The following ATF7IP2 variants were observed in gnomAD, a reference collection of about 807,000 sequenced individuals.
ATF7IP2 encodes the protein activating transcription factor 7-interacting protein 2.
Under a neutral mutation model 64.2 loss-of-function variants are expected in ATF7IP2, and 42 were observed. The ratio of observed to expected loss-of-function variants is 0.65; its 90% CI spans 0.51 to 0.85. ATF7IP2 has a LOEUF of 0.85. ATF7IP2 is among the 40% of genes least tolerant of loss of function. ATF7IP2 has a pLI of 0.00. For synonymous variants in ATF7IP2, 308 were observed against 272.8 expected, an observed-to-expected ratio of 1.13 and a Z score of -1.27; for missense variants, 933 against 784.2, an observed-to-expected ratio of 1.19 and a Z score of -2.27.
chr16:10,390,356 G>C (rs73512945), intron 1 of ATF7IP2, among the ~76,000 whole-genome samples: 2 of 152,242 alleles, frequency 1.3e-5, no homozygotes, highest in South Asian at 4.1e-4. Flanking sequence ...TAATCTACAG[G>C]TTAAAAAATT....
At chr16:10,447,602 T>G (rs2048851451) in intron 8 of ATF7IP2, 1 of 152,290 alleles carries the variant, frequency 6.6e-6, no homozygotes, top group African/African-American at 2.4e-5. Flanking sequence ...CGCTCCTGTT[T>G]CTGTGTCTTC....
At position 10,430,950 on chromosome 16, in the gene ATF7IP2, A is replaced by C; in HGVS notation, c.330A>C (p.Glu110Asp). The stretch of plus-strand genomic sequence containing the variant: ...TTGTTCATTCAGAAACAAAATTGGA[A>C]CAAGTTGTTTGTTCGTACCAAAAGC... ...EEIVHSETKL[E>D]QVVCSYQKPS... The change falls in exon 5 of 14, where the codon GAA becomes GAC. Residue 110 changes from glutamate to aspartate, a missense_variant. Physicochemically the swap from Glu to Asp is conservative, Grantham distance 45. Transcript: ENST00000562102. 6.2e-7 allele frequency: 1 copy of C among 1,614,144 alleles called. No homozygotes were observed. The highest frequency in any genetic ancestry group is 1.1e-5 in the South Asian group (1 of 91,086).
chr16:10,420,500 C>T (rs1020993585), intron 3 of ATF7IP2, among the ~76,000 whole-genome samples: 1 of 152,154 alleles, frequency 6.6e-6, no homozygotes, highest in Admixed American at 6.5e-5. Context: ...GCTATACCTG[C>T]GTTTGAGACC....
At position 10,431,265 on chromosome 16, in the gene ATF7IP2, T is replaced by C. The variant is rs760130453; in HGVS notation, c.645T>C (p.Ser215=). 3.3e-5 allele frequency: 54 copies of C among 1,614,030 alleles called. No individual in the cohort carries two copies. Among genetic ancestry groups the C allele is most frequent in the Non-Finnish European group, 4.5e-5 (53 of 1,180,022 alleles). ...SNSESHDKRQ[S]DNILCSEDSG... Reference sequence around the variant, plus strand: ...CAGAATCACATGATAAAAGGCAAAGTGACAACATTTTATGTTCAGAAGACT... The same window carrying C: ...CAGAATCACATGATAAAAGGCAAAGCGACAACATTTTATGTTCAGAAGACT... Residue 215 remains serine, a synonymous_variant, in exon 5 of 14, where the codon AGT becomes AGC. Transcript: ENST00000562102.
chr16:10,463,504 G>A (rs1243615360), intron 9 of ATF7IP2, among the ~76,000 whole-genome samples: 1 of 152,138 alleles, frequency 6.6e-6, no homozygotes, highest in Admixed American at 6.6e-5. Context: ...CATGTCATAA[G>A]AACATCAAGC....
intron 8 of ATF7IP2, among the ~76,000 whole-genome samples, chr16:10,443,434 C>T (rs1408198207): frequency 2.6e-5 from 4 of 152,112 alleles, no homozygotes; most frequent in African/African-American, 4.8e-5. Flanking sequence ...CACACCCAGT[C>T]GATTTGAAGG....
At chr16:10,450,261 T>A (rs2048941786) in intron 8 of ATF7IP2, among the ~76,000 whole-genome samples, 1 of 152,144 alleles carries the variant, frequency 6.6e-6, no homozygotes, top group Non-Finnish European at 1.5e-5. Context: ...AGAATAAGTA[T>A]GATGAGGTGC....
In ATF7IP2 at chr16:10,473,952, T is replaced by G. The variant is rs1320471497; in HGVS notation, c.1512T>G (p.Ile504Met). 3 of 1,598,680 alleles carry G rather than the reference T, an allele frequency of 1.9e-6. No individual in the cohort carries two copies. The highest frequency in any genetic ancestry group is 2.6e-6 in the Non-Finnish European group (3 of 1,169,178). ...TACAGAAGAAACTTGATTCTATAAT[T>G]GATTTGACAAAAGAAGGCCTATCCA... ...MAVQKKLDSI[I>M]DLTKEGLSNC... Residue 504 changes from isoleucine (I) to methionine (M), a missense_variant, in exon 12 of 14, where the codon ATT (isoleucine) becomes ATG (methionine). Coordinates refer to ENST00000562102, the MANE Select transcript of ATF7IP2 (RefSeq NM_001393719.1).
At chr16:10,426,315 C>T (rs1325579323) in intron 3 of ATF7IP2, among the ~76,000 whole-genome samples, 1 of 152,146 alleles carries the variant, frequency 6.6e-6, no homozygotes, top group African/African-American at 2.4e-5. Context: ...GCTTTTTATT[C>T]TCAGCAATGA....
chr16:10,432,874 T>C (rs1468213922), intron 5 of ATF7IP2, among the ~76,000 whole-genome samples: 1 of 109,698 alleles, frequency 9.1e-6, no homozygotes, highest in Non-Finnish European at 1.9e-5. Context: ...GTGAGACTCC[T>C]TCTCAAAATG....
rs1216869078 is a variant in ATF7IP2, at chr16:10,482,276, T to G, written c.*27T>G. ...AGGTGTTTAATAATGATATACTACT[T>G]TTTTTTTCATATTTGTTTGTTTGCA... On this transcript the variant is annotated 3_prime_UTR_variant, in exon 14 of 14. Coordinates refer to ENST00000562102, the MANE Select transcript of ATF7IP2 (RefSeq NM_001393719.1). The G allele has an allele frequency of 4.8e-6, 7 of 1,471,248 alleles. No homozygotes were observed. In the East Asian group the frequency reaches 1.6e-4, roughly 33 times the overall value. The allele number at this position is 1,471,248 out of a possible 1,614,324, so 91.1% of individuals were successfully genotyped here.
At chr16:10,469,041 T>C (rs1212311447) in intron 9 of ATF7IP2, among the ~76,000 whole-genome samples, 2 of 152,110 alleles carry the variant, frequency 1.3e-5, no homozygotes, top group African/African-American at 4.8e-5. Context: ...AGTCTAACAC[T>C]CTTCTGAAGA....
intron 8 of ATF7IP2, chr16:10,446,567 C>T (rs1269429265): frequency 1.3e-5 from 2 of 152,208 alleles, no homozygotes; most frequent in South Asian, 2.1e-4. Context: ...AAAGCTGACA[C>T]ATCCAATCCT....
rs780715236 is a variant in ATF7IP2, at chr16:10,440,349, C to G, written c.1096-15C>G. On this transcript the variant is annotated splice_polypyrimidine_tract_variant and intron_variant, in intron 7 of 13. Transcript: ENST00000562102. ...ACTCTGGCTTAGTATTTATTTTTTT[C>G]TCTTTTTCTTCTAGGCAAAAATAGC... 9 of 1,355,470 alleles carry G rather than the reference C, an allele frequency of 6.6e-6. No individual in the cohort carries two copies. The highest frequency in any genetic ancestry group is 2.7e-5 in the South Asian group (2 of 75,376). The allele number at this position is 1,355,470 out of a possible 1,614,324, so 84.0% of individuals were successfully genotyped here.
At chr16:10,467,845 G>A (rs183610527) in intron 9 of ATF7IP2, among the ~76,000 whole-genome samples, 61 of 150,396 alleles carry the variant, frequency 4.1e-4, no homozygotes, top group East Asian at 2.1e-3. Context: ...GAGCCATGGC[G>A]CCCAGCCAAA....
Position 10,400,800 on chromosome 16 carries a change from G to C in ATF7IP2, c.-241-13774G>C, listed in dbSNP as rs146673913. The stretch of plus-strand genomic sequence containing the variant: ...GGGTTCAAGTGATTCTTATGCCTCA[G>C]CCTCCTGAGTAGCTGAGATTACAGG... On this transcript the variant is annotated intron_variant, in intron 1 of 13. Transcript: ENST00000562102. 1.1e-4 allele frequency among the ~76,000 whole-genome samples: 17 copies of C among 152,240 alleles called. No homozygotes were observed. In the East Asian group the frequency reaches 1.9e-3, roughly 17 times the overall value.
At chr16:10,476,626 A>G (rs1164066777) in intron 12 of ATF7IP2, among the ~76,000 whole-genome samples, 1 of 152,056 alleles carries the variant, frequency 6.6e-6, no homozygotes, top group African/African-American at 2.4e-5. Context: ...CCTGGCATGC[A>G]TTAACTATTT....
rs547658293 is a variant in ATF7IP2 at position 10,400,689 on chromosome 16, G to A, written c.-241-13885G>A. ...TATGTTCCTTCCTTTTTGTGCGTGT[G>A]TGTGTTTTTTTGAGACAGAGTCTTG... is the stretch of plus-strand genomic sequence containing the variant. On this transcript the variant is annotated intron_variant, in intron 1 of 13. Transcript: ENST00000562102. 1.4e-3 allele frequency among the ~76,000 whole-genome samples: 216 copies of A among 152,162 alleles called. 2 individuals carry two copies. Among genetic ancestry groups the A allele is most frequent in the African/African-American group, 5.1e-3 (211 of 41,530 alleles).
chr16:10,483,099 T>C lies in ATF7IP2; in HGVS notation c.*850T>C, dbSNP rs2050295877. 6.6e-6 allele frequency: 1 copy of C among 152,270 alleles called. No homozygotes were observed. Among genetic ancestry groups the C allele is most frequent in the Non-Finnish European group, 1.5e-5 (1 of 68,050 alleles). 9.4% of individuals were successfully genotyped at this position (152,270 alleles called of 1,614,324 possible). On this transcript the variant is annotated 3_prime_UTR_variant, in exon 14 of 14. Transcript: ENST00000562102. ...TGGGCTATTCATTTGTGCTCTCCTC[T>C]TTTTTGTTTTGTTTTGCACTTTGTC...
Sources: gnomAD v4.1 joint callset for allele counts (sites outside exome capture counted in the v4.1 genomes callset) on GRCh38, gnomAD v4.1.1 for gene constraint, MANE v1.5 for transcripts, NCBI Gene and HGNC (gene_info 2026-07-23, HGNC 2026-07-21) for gene names.